ZFAND3: variants seen among roughly 807,000 people sequenced by gnomAD.
The protein encoded by ZFAND3 is AN1-type zinc finger protein 3.
ZFAND3 carries 10 observed loss-of-function variants against 29.6 expected under a neutral mutation model. That is an observed-to-expected ratio of 0.34 (90% confidence interval 0.21 to 0.57). The LOEUF is 0.57. Among genes scored for constraint, ZFAND3 ranks in the 20% least tolerant of loss-of-function variants. The probability of loss-of-function intolerance (pLI) is 0.86; values close to 1 mark genes in which losing one functional copy is unlikely to be tolerated. For missense variants in ZFAND3, 230 were observed against 304.5 expected (o/e 0.76, Z 1.82); for synonymous variants, 128 against 112.6 (o/e 1.14, Z -0.87).
At chr6:38,095,519 C>T (rs1046782999) in intron 4 of ZFAND3, among the ~76,000 whole-genome samples, 4 of 152,058 alleles carry the variant, frequency 2.6e-5, no homozygotes, top group African/African-American at 4.8e-5. Context: ...TTTTTCCTAG[C>T]GCCTACCGGT....
chr6:37,826,926 T>C (rs887016187), intron 1 of ZFAND3, among the ~76,000 whole-genome samples: 1 of 152,200 alleles, frequency 6.6e-6, no homozygotes, highest in Non-Finnish European at 1.5e-5. Flanking sequence ...CAGTAACTAG[T>C]GATTACCCTA....
At chr6:38,102,913 T>C (rs1398520889) in intron 4 of ZFAND3, among the ~76,000 whole-genome samples, 2 of 152,050 alleles carry the variant, frequency 1.3e-5, no homozygotes, top group Non-Finnish European at 1.5e-5. Context: ...CGTGCCACCA[T>C]GTCCAACTAA....
At chr6:37,904,718 A>C (rs780264245) in intron 1 of ZFAND3, among the ~76,000 whole-genome samples, 5 of 152,214 alleles carry the variant, frequency 3.3e-5, no homozygotes, top group Non-Finnish European at 5.9e-5. Context: ...TTATTTCCAT[A>C]GTAGCCTGCT....
chr6:37,896,753 T>G (rs1765227460), intron 1 of ZFAND3, among the ~76,000 whole-genome samples: 1 of 151,882 alleles, frequency 6.6e-6, no homozygotes, highest in Non-Finnish European at 1.5e-5. Flanking sequence ...TATGCTGGTC[T>G]CATCAGGTGA....
chr6:38,099,776 GA>G (rs1765057241), intron 4 of ZFAND3, among the ~76,000 whole-genome samples: 1 of 152,154 alleles, frequency 6.6e-6, no homozygotes, highest in Admixed American at 6.5e-5. Context: ...GTATTTACTT[GA>G]AAAATGTACT....
At chr6:37,976,975 T>G (rs962129534) in intron 2 of ZFAND3, among the ~76,000 whole-genome samples, 2 of 152,218 alleles carry the variant, frequency 1.3e-5, no homozygotes, top group Admixed American at 6.5e-5. Flanking sequence ...AAGACAGTTT[T>G]ACTTCTTTCT....
At chr6:37,876,684 G>T (rs558448130) in intron 1 of ZFAND3, among the ~76,000 whole-genome samples, 2 of 152,176 alleles carry the variant, frequency 1.3e-5, no homozygotes, top group African/African-American at 4.8e-5. Flanking sequence ...GACATGGTGT[G>T]TGTCTTAGTC....
At chr6:38,082,759 A>G (rs1764688280) in intron 4 of ZFAND3, among the ~76,000 whole-genome samples, 1 of 152,218 alleles carries the variant, frequency 6.6e-6, no homozygotes, top group African/African-American at 2.4e-5. Context: ...CCCAGTTTGT[A>G]GCATGTAACT....
intron 3 of ZFAND3, among the ~76,000 whole-genome samples, chr6:38,074,666 T>A (rs908911173): frequency 2.0e-5 from 3 of 152,204 alleles, no homozygotes; most frequent in Non-Finnish European, 2.9e-5. Context: ...AGATCGCTGA[T>A]GAAAGTGACT....
intron 1 of ZFAND3, among the ~76,000 whole-genome samples, chr6:37,829,559 A>G (rs1041925436): frequency 6.6e-6 from 1 of 152,222 alleles, no homozygotes; most frequent in Admixed American, 6.5e-5. Context: ...AATAAAATAA[A>G]ATAAATGGAG....
chr6:38,136,073 G>A (rs1439813297), intron 5 of ZFAND3, among the ~76,000 whole-genome samples: 2 of 152,318 alleles, frequency 1.3e-5, no homozygotes, highest in African/African-American at 2.4e-5. Context: ...GAGGTGTGAT[G>A]GTGGGTGTGG....
intron 2 of ZFAND3, among the ~76,000 whole-genome samples, chr6:37,979,218 A>G (rs1762539625): frequency 6.6e-6 from 1 of 152,212 alleles, no homozygotes. Flanking sequence ...GGCAGCCTGC[A>G]AATTCTGCTG....
intron 3 of ZFAND3, among the ~76,000 whole-genome samples, chr6:38,080,360 C>T (rs1031779899): frequency 4.6e-5 from 7 of 151,728 alleles, no homozygotes; most frequent in African/African-American, 1.7e-4. Context: ...AAATAGTTCG[C>T]AGTAGTCACT....
At chr6:37,874,900 G>A (rs571416289) in intron 1 of ZFAND3, among the ~76,000 whole-genome samples, 1 of 152,272 alleles carries the variant, frequency 6.6e-6, no homozygotes, top group Admixed American at 6.5e-5. Flanking sequence ...TAGCTGTGGG[G>A]CTGAAAAATA....
chr6:38,092,679 A>G (rs1480791741), intron 4 of ZFAND3, among the ~76,000 whole-genome samples: 2 of 152,216 alleles, frequency 1.3e-5, no homozygotes, highest in African/African-American at 2.4e-5. Context: ...TGAGTAGCAC[A>G]TGAGCACCTA....
chr6:38,061,553 G>C, intron 2 of ZFAND3, 40 bp from the exon 3 acceptor site: 2 of 1,610,196 alleles, frequency 1.2e-6, no homozygotes, highest in African/African-American at 1.3e-5. Flanking sequence ...CTCAGAGACT[G>C]TGAACTCCTT....
intron 2 of ZFAND3, among the ~76,000 whole-genome samples, chr6:38,047,878 A>G (rs1763935006): frequency 6.6e-6 from 1 of 152,150 alleles, no homozygotes; most frequent in Middle Eastern, 3.2e-3. Context: ...TTATAGGGTC[A>G]TTCGTTTTTG....
intron 2 of ZFAND3, among the ~76,000 whole-genome samples, chr6:37,999,015 A>G (rs1045064484): frequency 1.3e-5 from 2 of 152,204 alleles, no homozygotes; most frequent in African/African-American, 2.4e-5. Context: ...CCATTCTCCA[A>G]TAGAAGCAAC....
chr6:38,127,839 C>A (rs573677823), intron 5 of ZFAND3, among the ~76,000 whole-genome samples: 3 of 152,230 alleles, frequency 2.0e-5, no homozygotes, highest in African/African-American at 7.2e-5. Flanking sequence ...TGTCCAGGGA[C>A]CCCTCATGGC....
Sources: allele counts gnomAD v4.1 joint callset (sites outside exome capture counted in the v4.1 genomes callset), GRCh38; gene constraint gnomAD v4.1.1; transcripts MANE v1.5; gene names NCBI Gene and HGNC (gene_info 2026-07-23, HGNC 2026-07-21).